Variants in LRP1B observed in about 807,000 individuals in gnomAD.
LRP1B encodes low-density lipoprotein receptor-related protein 1B.
In LRP1B, 217 loss-of-function variants were observed where a neutral mutation model predicts 556.6. The observed-to-expected ratio is 0.39, with a 90% CI of 0.35 to 0.44. The LOEUF (loss-of-function observed/expected upper bound fraction) is 0.44. Ranked by LOEUF, LRP1B falls within the 20% of genes least tolerant of loss-of-function variation. The probability of loss-of-function intolerance (pLI) is 1.00; values close to 1 mark genes in which losing one functional copy is unlikely to be tolerated. For missense variants in LRP1B, 5,053 were observed against 5,620.8 expected (o/e 0.90, Z 3.23); for synonymous variants, 2,047 against 1,865.8 (o/e 1.10, Z -2.50).
At chr2:140,906,323 T>A (rs1384108935) in intron 22 of LRP1B, among the ~76,000 whole-genome samples, 1 of 152,146 alleles carries the variant, frequency 6.6e-6, no homozygotes, top group East Asian at 1.9e-4. Context: ...AAGAAATGAA[T>A]TAAGAAGAAA....
intron 43 of LRP1B, among the ~76,000 whole-genome samples, chr2:140,577,184 G>A (rs1216531297): frequency 6.6e-6 from 1 of 152,062 alleles, no homozygotes; most frequent in Non-Finnish European, 1.5e-5. Context: ...GTACAACACT[G>A]CAAGAAATAG....
At chr2:141,122,922 A>G (rs928599997) in intron 7 of LRP1B, among the ~76,000 whole-genome samples, 1 of 152,170 alleles carries the variant, frequency 6.6e-6, no homozygotes, top group African/African-American at 2.4e-5. Context: ...ATGCAGCCAT[A>G]AAAAGGATAA....
At chr2:140,458,012 T>TACATATATACATATACATATACATATA (rs1687173102) in intron 60 of LRP1B, among the ~76,000 whole-genome samples, 2 of 151,332 alleles carry the variant, frequency 1.3e-5, no homozygotes, top group African/African-American at 4.9e-5. Context: ...ATATACATAT[T>TACATATATACATATACATATACATATA]TACATATATA....
At chr2:141,528,116 G>A (rs1217501258) in intron 2 of LRP1B, among the ~76,000 whole-genome samples, 1 of 151,348 alleles carries the variant, frequency 6.6e-6, no homozygotes, top group African/African-American at 2.4e-5. Flanking sequence ...ATGTCTCCAC[G>A]CTCCCTCTTC....
At chr2:140,766,997 C>G (rs1052706240) in intron 35 of LRP1B, among the ~76,000 whole-genome samples, 2 of 151,364 alleles carry the variant, frequency 1.3e-5, no homozygotes, top group Non-Finnish European at 2.9e-5. Flanking sequence ...TCTAAACATG[C>G]CCACACCCCA....
At position 140,541,070 on chromosome 2, in the gene LRP1B, A is replaced by C. The variant is rs772411549; in HGVS notation, c.7416T>G (p.Asn2472Lys). The C allele has an allele frequency of 6.2e-7, 1 of 1,610,724 alleles. No individual in the cohort carries two copies. Among genetic ancestry groups the C allele is most frequent in the African/African-American group, 1.3e-5 (1 of 74,790 alleles). ...SCELSPCALL[N>K]GGCHDLCLLT... is the part of the protein sequence containing the mutation. Reference sequence around the variant, plus strand: ...AAAGGCACAAGTCATGGCAGCCTCCATTCAATAATGCACATGGAGAAAGTT... The same window carrying C: ...AAAGGCACAAGTCATGGCAGCCTCCCTTCAATAATGCACATGGAGAAAGTT... The change falls in exon 45 of 91, where the codon AAT (asparagine) becomes AAG (lysine). Residue 2472 changes from asparagine (N) to lysine (K), a missense_variant. Physicochemically the swap from Asn to Lys is moderately conservative, Grantham distance 94 (BLOSUM62 0). Coordinates refer to ENST00000389484, the MANE Select transcript of LRP1B (RefSeq NM_018557.3).
At chr2:140,432,133 C>T (rs935989624) in intron 66 of LRP1B, among the ~76,000 whole-genome samples, 1 of 152,094 alleles carries the variant, frequency 6.6e-6, no homozygotes, top group Admixed American at 6.5e-5. Context: ...TAACTGATGA[C>T]ATTATCTTCT....
intron 49 of LRP1B, among the ~76,000 whole-genome samples, chr2:140,524,374 G>C (rs1690327930): frequency 6.6e-6 from 1 of 151,914 alleles, no homozygotes; most frequent in African/African-American, 2.4e-5. Context: ...CTGTTGATCG[G>C]AGTGTAAATT....
chr2:140,573,007 G>A (rs534969399), intron 43 of LRP1B, among the ~76,000 whole-genome samples: 6 of 151,746 alleles, frequency 4.0e-5, no homozygotes, highest in African/African-American at 1.4e-4. Context: ...GGCAGAAGTA[G>A]AAAAAGGAGA....
chr2:141,576,515 C>T (rs1047691124), intron 2 of LRP1B, among the ~76,000 whole-genome samples: 3 of 152,112 alleles, frequency 2.0e-5, no homozygotes, highest in Middle Eastern at 3.4e-3. Flanking sequence ...CACCATGACA[C>T]ATGTATATCT....
chr2:141,974,889 T>G (rs1371651568), intron 1 of LRP1B, among the ~76,000 whole-genome samples: 1 of 152,082 alleles, frequency 6.6e-6, no homozygotes, highest in Non-Finnish European at 1.5e-5. Flanking sequence ...AATTACTTGC[T>G]TTCACAGTTT....
At position 141,932,045 on chromosome 2, in the gene LRP1B, C is replaced by G. The variant is rs527637371; in HGVS notation, c.83-121644G>C. ...TGGCAGCAAAGACACAGCAGGTGGA[C>G]TAGATTAGGAAGAGTCCAGTAAGGG... On this transcript the variant is annotated intron_variant, in intron 1 of 90. Transcript: ENST00000389484. Among the ~76,000 whole-genome samples, 3 of 152,004 alleles carry G rather than the reference C, an allele frequency of 2.0e-5. No homozygotes were observed. The South Asian group carries it at 6.2e-4, about 32-fold the overall frequency.
At chr2:141,829,778 T>G (rs1697054515) in intron 1 of LRP1B, among the ~76,000 whole-genome samples, 1 of 152,060 alleles carries the variant, frequency 6.6e-6, no homozygotes, top group South Asian at 2.1e-4. Context: ...TGAAACTATC[T>G]TCAACGAAGT....
chr2:141,629,984 TC>T (rs1306226110), intron 2 of LRP1B, among the ~76,000 whole-genome samples: 1 of 151,912 alleles, frequency 6.6e-6, no homozygotes, highest in African/African-American at 2.4e-5. Context: ...ATAAGTTGGA[TC>T]AATACAATCT....
chr2:141,693,858 G>A (rs1691634143), intron 2 of LRP1B, among the ~76,000 whole-genome samples: 1 of 151,978 alleles, frequency 6.6e-6, no homozygotes, highest in Non-Finnish European at 1.5e-5. Flanking sequence ...CTCTGTAGAT[G>A]GATAAAGCCT....
chr2:140,973,052 T>TATA (rs1696481170), intron 18 of LRP1B, among the ~76,000 whole-genome samples: 3 of 138,578 alleles, frequency 2.2e-5, no homozygotes, highest in Non-Finnish European at 4.6e-5. Context: ...ATATTTCATT[T>TATA]TATATATATA....
chr2:142,063,241 T>A (rs1207171104), intron 1 of LRP1B, among the ~76,000 whole-genome samples: 1 of 151,788 alleles, frequency 6.6e-6, no homozygotes, highest in East Asian at 1.9e-4. Flanking sequence ...GAGTAATTAA[T>A]CACCATGAAT....
intron 3 of LRP1B, among the ~76,000 whole-genome samples, chr2:141,269,516 A>G (rs1460824005): frequency 6.6e-6 from 1 of 152,222 alleles, no homozygotes; most frequent in Non-Finnish European, 1.5e-5. Flanking sequence ...AATCATGTTA[A>G]GCCCACTGTC....
At chr2:141,002,491 C>T (rs1191041327) in intron 15 of LRP1B, among the ~76,000 whole-genome samples, 1 of 152,018 alleles carries the variant, frequency 6.6e-6, no homozygotes, top group Non-Finnish European at 1.5e-5. Flanking sequence ...TACTCACATC[C>T]TTTATATAAA....
Sources: allele counts gnomAD v4.1 joint callset (sites outside exome capture counted in the v4.1 genomes callset), GRCh38; gene constraint gnomAD v4.1.1; transcripts MANE v1.5; gene names NCBI Gene and HGNC (gene_info 2026-07-23, HGNC 2026-07-21).